Variants in NUDT5 observed in about 807,000 individuals in gnomAD.
NUDT5 encodes the protein ADP-sugar pyrophosphatase.
A neutral mutation model predicts 34.1 loss-of-function variants in NUDT5; 21 were observed. That is an observed-to-expected ratio of 0.62 (90% confidence interval 0.44 to 0.89). NUDT5 has a LOEUF of 0.89. Among genes scored for constraint, NUDT5 ranks in the 40% least tolerant of loss-of-function variants. The pLI is 0.00. For synonymous variants in NUDT5, 85 were observed against 97.6 expected, an observed-to-expected ratio of 0.87 and a Z score of 0.76; for missense variants, 249 against 274.8, an observed-to-expected ratio of 0.91 and a Z score of 0.66.
intron 7 of NUDT5, chr10:12,172,512 C>T (rs1834874753): frequency 1.9e-6 from 1 of 533,180 alleles, no homozygotes; most frequent in African/African-American, 1.9e-5. Flanking sequence ...AGTGGGAATA[C>T]ACTTCATATA....
At position 12,171,073 on chromosome 10, in the gene NUDT5, G is replaced by C. The variant is rs886651509; in HGVS notation, c.488-165C>G. ...CAAACTCGAGCAGTATGAAGTTATT[G>C]TTCTCCACATAATGTTAAGTAGCAA... On this transcript the variant is annotated intron_variant, in intron 7 of 9. Coordinates refer to ENST00000491614, the MANE Select transcript of NUDT5 (RefSeq NM_014142.4). The surrounding 1 kb of genome is among the most constrained non-coding windows in gnomAD (Gnocchi z 4.2). Among the ~76,000 whole-genome samples the C allele has an allele frequency of 2.0e-5, 3 of 152,094 alleles. No homozygotes were observed. Among genetic ancestry groups the C allele is most frequent in the Non-Finnish European group, 4.4e-5 (3 of 68,026 alleles).
intron 7 of NUDT5, 70 bp downstream of exon 7, chr10:12,172,690 TAAATC>T (rs764169900): frequency 1.0e-4 from 98 of 946,142 alleles, no homozygotes; most frequent in Non-Finnish European, 1.6e-4. Flanking sequence ...ATTCTTTTAA[TAAATC>T]AAACTAGCAG....
Position 12,173,122 on chromosome 10 carries a change from T to A in NUDT5, c.386-256A>T, listed in dbSNP as rs1336008064. 1.3e-5 allele frequency among the ~76,000 whole-genome samples: 2 copies of A among 152,146 alleles called. No homozygotes were observed. Among genetic ancestry groups the A allele is most frequent in the Admixed American group, 6.5e-5 (1 of 15,280 alleles). On this transcript the variant is annotated intron_variant, in intron 6 of 9. Transcript: ENST00000491614. This position sits in a 1 kb window ranked among gnomAD's most constrained non-coding sequence, Gnocchi z 4.7. Reference sequence around the variant, plus strand: ...CAAGTCATAAAATCCCTTCACCACATCAAACTCAAAAAAATCTTCCAGTGA... The same window carrying A: ...CAAGTCATAAAATCCCTTCACCACAACAAACTCAAAAAAATCTTCCAGTGA...
rs1397021905 is a variant in NUDT5 at position 12,173,858 on chromosome 10, T to C, written c.290-45A>G. 3.6e-6 allele frequency: 5 copies of C among 1,377,572 alleles called. No homozygotes were observed. Among genetic ancestry groups the C allele is most frequent in the Non-Finnish European group, 3.0e-6 (3 of 999,240 alleles). The allele number at this position is 1,377,572 out of a possible 1,614,324, so 85.3% of individuals were successfully genotyped here. A position where few individuals can be genotyped will look rare whatever the true frequency, so the allele number is the denominator to read the frequency against. ...GTGTGATGGGAGCGGGAAATCCGGT[T>C]CTTTAAACCCTCCTTTTTTTTTTTT... On this transcript the variant is annotated intron_variant, in intron 5 of 9. Coordinates refer to ENST00000491614, the MANE Select transcript of NUDT5 (RefSeq NM_014142.4). The surrounding 1 kb of genome is among the most constrained non-coding windows in gnomAD (Gnocchi z 4.7).
rs528643391 is a variant in NUDT5 at position 12,175,256 on chromosome 10, G to T, written c.290-1443C>A. ...AATCGCTTGACCCTGTTAGGCGGAG[G>T]TTGCAGTGAGCTGAAATCGTGCCAC... is the stretch of plus-strand genomic sequence containing the variant. On this transcript the variant is annotated intron_variant, in intron 5 of 9. Transcript: ENST00000491614. This position sits in a 1 kb window ranked among gnomAD's most constrained non-coding sequence, Gnocchi z 4.8. 8.8e-4 allele frequency among the ~76,000 whole-genome samples: 134 copies of T among 152,260 alleles called. No homozygotes were observed. The highest frequency in any genetic ancestry group is 2.8e-3 in the African/African-American group (118 of 41,550).
intron 5 of NUDT5, among the ~76,000 whole-genome samples, chr10:12,176,736 G>C (rs1279095138): frequency 2.6e-5 from 4 of 152,216 alleles, no homozygotes; most frequent in African/African-American, 9.6e-5. Flanking sequence ...TACTGTGCAA[G>C]AAAAATATTC....
Position 12,167,396 on chromosome 10 carries a change from C to A in NUDT5, c.*306G>T. On this transcript the variant is annotated 3_prime_UTR_variant, in exon 10 of 10. Transcript: ENST00000491614. ...GGTCTATTTCTCTATACAAATACCC[C>A]TGTCTACCAGACTGGACTAGAAAAG... is the stretch of plus-strand genomic sequence containing the variant. The A allele has an allele frequency of 3.6e-6, 1 of 279,120 alleles. No homozygotes were observed. The highest frequency in any genetic ancestry group is 4.0e-5 in the South Asian group (1 of 25,046). The allele number at this position is 279,120 out of a possible 1,614,324, so 17.3% of individuals were successfully genotyped here. A position where few individuals can be genotyped will look rare whatever the true frequency, so the allele number is the denominator to read the frequency against.
intron 3 of NUDT5, 72 bp downstream of exon 3, chr10:12,184,817 T>C: frequency 1.1e-6 from 1 of 871,106 alleles, no homozygotes; most frequent in Non-Finnish European, 1.8e-6. Flanking sequence ...CATCAAAGTT[T>C]ATGCAAAACA....
At chr10:12,195,419 T>C (rs1255277662) in intron 1 of NUDT5, among the ~76,000 whole-genome samples, 1 of 152,140 alleles carries the variant, frequency 6.6e-6, no homozygotes, top group Admixed American at 6.5e-5. Flanking sequence ...TTTCTCACAT[T>C]TACCTCTCGC....
rs899711753 is a variant in NUDT5 at position 12,170,150 on chromosome 10, A to G, written c.550+567T>C. The G allele has an allele frequency of 2.5e-6, 4 of 1,612,668 alleles. No homozygotes were observed. The highest frequency in any genetic ancestry group is 1.7e-6 in the Non-Finnish European group (2 of 1,179,702). On this transcript the variant is annotated intron_variant, in intron 9 of 9. Coordinates refer to ENST00000491614, the MANE Select transcript of NUDT5 (RefSeq NM_014142.4). This position sits in a 1 kb window ranked among gnomAD's most constrained non-coding sequence, Gnocchi z 4.9. Reference sequence around the variant, plus strand: ...TTCTCCCCATAAGCTTACTGTTTACAAAGTCTCTAAAAGATGGGTGGCCAA... The same window carrying G: ...TTCTCCCCATAAGCTTACTGTTTACGAAGTCTCTAAAAGATGGGTGGCCAA...
At chr10:12,176,829 A>G (rs910371859) in intron 5 of NUDT5, among the ~76,000 whole-genome samples, 3 of 152,002 alleles carry the variant, frequency 2.0e-5, no homozygotes, top group Admixed American at 6.5e-5. Flanking sequence ...TGGAGTTAAG[A>G]GCCTGGCCTA....
Position 12,167,202 on chromosome 10 carries a change from T to G in NUDT5, c.*500A>C, listed in dbSNP as rs188472466. On this transcript the variant is annotated 3_prime_UTR_variant, in exon 10 of 10. Coordinates refer to ENST00000491614, the MANE Select transcript of NUDT5 (RefSeq NM_014142.4). ...GAACCCTACCCTAGTTGGATTCAAC[T>G]ACCCTAGATAAATTTTGCATAGTAA... The G allele has an allele frequency of 6.3e-5, 10 of 159,094 alleles. No homozygotes were observed. Among genetic ancestry groups the G allele is most frequent in the Admixed American group, 5.4e-4 (9 of 16,732 alleles). The allele number at this position is 159,094 out of a possible 1,614,324, so 9.9% of individuals were successfully genotyped here.
chr10:12,173,132 A>C lies in NUDT5; in HGVS notation c.386-266T>G, dbSNP rs1013357856. On this transcript the variant is annotated intron_variant, in intron 6 of 9. Coordinates refer to ENST00000491614, the MANE Select transcript of NUDT5 (RefSeq NM_014142.4). The surrounding 1 kb of genome is among the most constrained non-coding windows in gnomAD (Gnocchi z 4.7). ...AATCCCTTCACCACATCAAACTCAA[A>C]AAAATCTTCCAGTGATGAGGGTAGC... Among the ~76,000 whole-genome samples the C allele has an allele frequency of 6.6e-6, 1 of 152,224 alleles. No individual in the cohort carries two copies. Among genetic ancestry groups the C allele is most frequent in the South Asian group, 2.1e-4 (1 of 4,834 alleles).
At chr10:12,195,486 A>G (rs1213024633) in intron 1 of NUDT5, among the ~76,000 whole-genome samples, 1 of 152,142 alleles carries the variant, frequency 6.6e-6, no homozygotes. Context: ...TCCCTCTACC[A>G]AGCATTCTAC....
chr10:12,184,421 T>A (rs1482540174), intron 3 of NUDT5: 31 of 1,349,450 alleles, frequency 2.3e-5, no homozygotes, highest in Non-Finnish European at 3.2e-5. Flanking sequence ...TTAGGGCTAC[T>A]GACACATATT....
At chr10:12,191,564 G>A (rs529701124) in intron 1 of NUDT5, among the ~76,000 whole-genome samples, 38 of 152,282 alleles carry the variant, frequency 2.5e-4, no homozygotes, top group Non-Finnish European at 5.0e-4. Context: ...TAACTGGCAT[G>A]GCACAAATTA....
At position 12,175,823 on chromosome 10, in the gene NUDT5, G is replaced by A. The variant is rs575342984; in HGVS notation, c.289+1970C>T. On this transcript the variant is annotated intron_variant, in intron 5 of 9. Coordinates refer to ENST00000491614, the MANE Select transcript of NUDT5 (RefSeq NM_014142.4). This position sits in a 1 kb window ranked among gnomAD's most constrained non-coding sequence, Gnocchi z 4.8. Reference sequence around the variant, plus strand: ...ATCACCTCAGCCTGGGGAGGTTGAGGCTGCAATGGGCTGTGATGGTGCCGG... The same window carrying A: ...ATCACCTCAGCCTGGGGAGGTTGAGACTGCAATGGGCTGTGATGGTGCCGG... Among the ~76,000 whole-genome samples the A allele has an allele frequency of 6.6e-4, 100 of 152,100 alleles. No individual in the cohort carries two copies. The highest frequency in any genetic ancestry group is 1.3e-3 in the Non-Finnish European group (88 of 67,992).
intron 1 of NUDT5, among the ~76,000 whole-genome samples, chr10:12,191,882 G>C (rs935915018): frequency 6.6e-6 from 1 of 152,140 alleles, no homozygotes; most frequent in Non-Finnish European, 1.5e-5. Flanking sequence ...TTAGATTCCA[G>C]AAGTTAAACT....
chr10:12,186,778 T>C (rs1269464110), intron 1 of NUDT5, among the ~76,000 whole-genome samples: 1 of 151,040 alleles, frequency 6.6e-6, no homozygotes, highest in Admixed American at 6.6e-5. Flanking sequence ...CAGGCATACA[T>C]CACCAGGCCT....
Sources: allele counts gnomAD v4.1 joint callset (sites outside exome capture counted in the v4.1 genomes callset), GRCh38; gene constraint gnomAD v4.1.1; non-coding constraint Gnocchi (gnomAD v3.1); transcripts MANE v1.5; gene names NCBI Gene and HGNC (gene_info 2026-07-23, HGNC 2026-07-21).